The following GSDMA variants were observed in gnomAD, a reference collection of about 807,000 sequenced individuals.
GSDMA encodes gasdermin-A.
In GSDMA, 55 loss-of-function variants were observed where a neutral mutation model predicts 54.3. The observed-to-expected ratio is 1.01, with a 90% confidence interval of 0.82 to 1.27. The LOEUF (loss-of-function observed/expected upper bound fraction) is 1.27. Among genes scored for constraint, GSDMA ranks in the 50% most tolerant of loss-of-function variants. The pLI, the probability that GSDMA is intolerant of heterozygous loss-of-function variation, is 0.00. For synonymous variants in GSDMA, 211 were observed against 224.7 expected (o/e 0.94, Z 0.54); for missense variants, 542 against 542.6 (o/e 1.00, Z 0.01).
At chr17:39,965,304 GAAAT>G (rs140980169) in intron 1 of GSDMA, among the ~76,000 whole-genome samples, 63,377 of 143,924 alleles carry the variant, frequency 0.44, 13,929 homozygotes, top group East Asian at 0.55. Context: ...GAAAGAAAGA[GAAAT>G]AAATAAAGAA....
At chr17:39,971,655 G>T in intron 5 of GSDMA, 35 bp downstream of exon 5, 1 of 1,505,694 alleles carries the variant, frequency 6.6e-7, no homozygotes, top group South Asian at 1.1e-5. Flanking sequence ...CCCACAAGAT[G>T]AGAATTACCT....
In GSDMA at chr17:39,970,971, G is replaced by A. The variant is rs934051789; in HGVS notation, c.558+324G>A. 6.6e-5 allele frequency among the ~76,000 whole-genome samples: 10 copies of A among 152,304 alleles called. 1 individual carries two copies. The highest frequency in any genetic ancestry group is 6.8e-3 in the Middle Eastern group (2 of 294). On this transcript the variant is annotated intron_variant, in intron 4 of 11. Coordinates refer to ENST00000301659, the MANE Select transcript of GSDMA (RefSeq NM_178171.5). ...CCAAAGAGGAGACATCTTTACTCTC[G>A]GAAAGTCATCAGGTTCATAGAGGAG...
intron 6 of GSDMA, 53 bp from the exon 7 acceptor site, chr17:39,972,533 GA>G: frequency 1.3e-6 from 2 of 1,586,134 alleles, no homozygotes; most frequent in Non-Finnish European, 1.7e-6. Flanking sequence ...TGTTTTAGAT[GA>G]AAAGGCAAAA....
intron 10 of GSDMA, among the ~76,000 whole-genome samples, chr17:39,975,392 T>C (rs1001280326): frequency 6.0e-5 from 9 of 149,926 alleles, no homozygotes. Context: ...GAGGGTGCAG[T>C]GAGCCGAGAT....
intron 1 of GSDMA, among the ~76,000 whole-genome samples, chr17:39,964,562 C>A (rs1221318450): frequency 3.3e-5 from 5 of 149,584 alleles, no homozygotes; most frequent in Non-Finnish European, 6.0e-5. Flanking sequence ...GAGTAAGACT[C>A]CATCTCAAAA....
In GSDMA at chr17:39,965,722, C is replaced by A. The variant is rs772130959; in HGVS notation, c.35C>A (p.Ala12Asp). 1.2e-6 allele frequency: 2 copies of A among 1,610,952 alleles called. No homozygotes were observed. The highest frequency in any genetic ancestry group is 1.7e-6 in the Non-Finnish European group (2 of 1,178,672). ...TTTGAAAATGTCACCCGGGCCCTGG[C>A]CAGACAGCTAAACCCTCGAGGGGAC... is the stretch of plus-strand genomic sequence containing the variant. ...TMFENVTRALARQLNPRGDLT... is the reference protein window; with the variant it reads ...TMFENVTRALDRQLNPRGDLT... The change falls in exon 2 of 12, where the codon GCC becomes GAC. Residue 12 changes from alanine to aspartate, a missense_variant. Transcript: ENST00000301659.
intron 8 of GSDMA, among the ~76,000 whole-genome samples, 199 bp from the exon 9 acceptor site, chr17:39,974,074 C>T (rs1008909274): frequency 7.2e-5 from 11 of 152,310 alleles, no homozygotes; most frequent in African/African-American, 2.4e-4. Context: ...CCCACCTTCT[C>T]GCCCCAACCC....
At chr17:39,973,627 C>T (rs905667819) in intron 7 of GSDMA, among the ~76,000 whole-genome samples, 183 bp from the exon 8 acceptor site, 3 of 152,026 alleles carry the variant, frequency 2.0e-5, no homozygotes, top group Admixed American at 6.6e-5. Flanking sequence ...ATCTGCAACT[C>T]GGCCGCCCAG....
rs1326818361 is a variant in GSDMA at position 39,970,576 on chromosome 17, G to A, written c.487G>A (p.Val163Ile). The A allele has an allele frequency of 1.2e-6, 2 of 1,608,100 alleles. No individual in the cohort carries two copies. Among genetic ancestry groups the A allele is most frequent in the Non-Finnish European group, 1.7e-6 (2 of 1,177,020 alleles). ...GGAGGTGGTGGAGACGGTGCAGGAG[G>A]TCACACTGGAGCGAGCCGGCAAGGC... ...VMEVVETVQE[V>I]TLERAGKAEA... Residue 163 changes from valine to isoleucine, a missense_variant, in exon 4 of 12, where the codon GTC becomes ATC. Val to Ile is a conservative substitution (Grantham distance 29). Transcript: ENST00000301659.
intron 1 of GSDMA, among the ~76,000 whole-genome samples, chr17:39,964,059 C>T (rs546076409): frequency 3.3e-5 from 5 of 152,226 alleles, no homozygotes; most frequent in South Asian, 2.1e-4. Flanking sequence ...AAGTCACAGA[C>T]GAGTTGCTGA....
At chr17:39,971,649 C>T (rs1287843460) in intron 5 of GSDMA, 29 bp downstream of exon 5, 1 of 1,549,930 alleles carries the variant, frequency 6.5e-7, no homozygotes, top group African/African-American at 1.4e-5. Context: ...GTTCTCCCCA[C>T]AAGATGAGAA....
chr17:39,971,816 C>T (rs1022425987), intron 5 of GSDMA, among the ~76,000 whole-genome samples, 196 bp downstream of exon 5: 3 of 152,174 alleles, frequency 2.0e-5, no homozygotes, highest in Admixed American at 2.0e-4. Context: ...CTTCTGGGTG[C>T]TGGGCACTGT....
intron 10 of GSDMA, among the ~76,000 whole-genome samples, chr17:39,975,421 C>G (rs1009288199): frequency 4.0e-5 from 6 of 148,694 alleles, no homozygotes; most frequent in African/African-American, 1.5e-4. Context: ...TGCACTCCAG[C>G]CTGGGCAACA....
chr17:39,973,608 TAC>T (rs1980060571), intron 7 of GSDMA, among the ~76,000 whole-genome samples, 200 bp from the exon 8 acceptor site: 1 of 151,566 alleles, frequency 6.6e-6, no homozygotes, highest in South Asian at 2.1e-4. Flanking sequence ...TATAACCTGC[TAC>T]ACACACATCT....
Position 39,975,001 on chromosome 17 carries a change from T to C in GSDMA, c.1008T>C (p.Val336=). 6.2e-7 allele frequency: 1 copy of C among 1,608,194 alleles called. No homozygotes were observed. The highest frequency in any genetic ancestry group is 8.5e-7 in the Non-Finnish European group (1 of 1,175,332). The change falls in exon 10 of 12, where the codon GTT becomes GTC. Residue 336 remains valine (V), a synonymous_variant. Transcript: ENST00000301659. ...KEAVGAILYF[V]GALTELSEAQ... ...CCGTGGGCGCCATCCTCTATTTCGT[T>C]GGAGCCCTAACAGGTAAGTGGGGAA...
chr17:39,971,273 A>G (rs567873494), intron 4 of GSDMA, among the ~76,000 whole-genome samples: 4 of 152,278 alleles, frequency 2.6e-5, no homozygotes, highest in Admixed American at 2.6e-4. Context: ...CATCTGAACC[A>G]GGAACTAGAA....
intron 1 of GSDMA, chr17:39,965,422 G>T (rs73985237): frequency 0.016 from 7,639 of 489,040 alleles, 471 homozygotes; most frequent in African/African-American, 0.13. Flanking sequence ...CCTTGACAAA[G>T]AAAAGGGAGG....
rs1315275476 is a variant in GSDMA at position 39,965,869 on chromosome 17, TG to T, written c.184del (p.Asp62MetfsTer38). The T allele has an allele frequency of 1.3e-6, 2 of 1,558,852 alleles. No homozygotes were observed. The highest frequency in any genetic ancestry group is 1.2e-5 in the South Asian group (1 of 84,520). On this transcript the variant is annotated frameshift_variant, in exon 2 of 12. Transcript: ENST00000301659. LOFTEE classifies it high-confidence loss of function. The part of the protein sequence containing the change: ...ARYVRTDYTL[L>X]DVLEPGSSPS... ...TACGTCCGCACCGACTACACGCTGC[TG>T]GATGTGCTTGAGCCCGGCAGCTCAC...
chr17:39,972,663 A>G (rs1480472359), intron 7 of GSDMA, 50 bp downstream of exon 7: 15 of 1,516,758 alleles, frequency 9.9e-6, no homozygotes, highest in Non-Finnish European at 1.4e-5. Flanking sequence ...CCAAATTTTA[A>G]AACTCCAGTC....
Sources: allele counts gnomAD v4.1 joint callset (sites outside exome capture counted in the v4.1 genomes callset), GRCh38; gene constraint gnomAD v4.1.1; transcripts MANE v1.5; gene names NCBI Gene and HGNC (gene_info 2026-07-23, HGNC 2026-07-21).